JARID2: variants seen among roughly 807,000 people sequenced by gnomAD.
JARID2 encodes jumonji and AT-rich interaction domain containing 2, also known as protein Jumonji.
In JARID2, 21 loss-of-function variants were observed where a neutral mutation model predicts 125.6. That is an observed-to-expected ratio of 0.17 (90% confidence interval 0.12 to 0.24). JARID2 has a LOEUF of 0.24. Among genes scored for constraint, JARID2 ranks in the 10% least tolerant of loss-of-function variants. The pLI is 1.00. For missense variants in JARID2, 1,303 were observed against 1,639.6 expected, an observed-to-expected ratio of 0.79 and a Z score of 3.55; for synonymous variants, 736 against 661.6, an observed-to-expected ratio of 1.11 and a Z score of -1.73.
intron 2 of JARID2, among the ~76,000 whole-genome samples, chr6:15,381,341 C>CCAAAAAAA (rs70996539): frequency 1.4e-4 from 13 of 92,960 alleles, no homozygotes; most frequent in South Asian, 7.0e-4. Context: ...ACTCCTGTCT[C>CCAAAAAAA]AAAAAAAAAA....
In JARID2 at chr6:15,496,446, C is replaced by G. The variant is rs750294663; in HGVS notation, c.1221C>G (p.Leu407=). ...CCACTGGGCCCGCCGTCAATGGCCTCAAGGTCAGTGGCAGGTTGAACCCAA... is the reference window on the plus strand; with the variant it reads ...CCACTGGGCCCGCCGTCAATGGCCTGAAGGTCAGTGGCAGGTTGAACCCAA... ...SKSTGPAVNG[L]KVSGRLNPKS... Residue 407 remains leucine, a synonymous_variant, in exon 7 of 18, where the codon CTC becomes CTG. Transcript: ENST00000341776. 1.2e-6 allele frequency: 2 copies of G among 1,613,704 alleles called. No individual in the cohort carries two copies. Among genetic ancestry groups the G allele is most frequent in the Non-Finnish European group, 1.7e-6 (2 of 1,179,852 alleles).
intron 1 of JARID2, among the ~76,000 whole-genome samples, chr6:15,358,992 G>C (rs1409200116): frequency 1.3e-5 from 2 of 152,222 alleles, no homozygotes; most frequent in African/African-American, 4.8e-5. Flanking sequence ...CTGACCACTA[G>C]TATTCTAGGA....
At chr6:15,517,528 C>G (rs539058663) in intron 17 of JARID2, among the ~76,000 whole-genome samples, 16 of 152,206 alleles carry the variant, frequency 1.1e-4, no homozygotes, top group Non-Finnish European at 1.9e-4. Flanking sequence ...CAGCCGCCCC[C>G]CCGGCTTTCC....
intron 1 of JARID2, among the ~76,000 whole-genome samples, chr6:15,336,383 A>G (rs1043036945): frequency 2.6e-5 from 4 of 152,238 alleles, no homozygotes; most frequent in African/African-American, 7.2e-5. Flanking sequence ...GTGGCTTTTC[A>G]TGTTTTGGAA....
At chr6:15,422,200 C>T (rs967379173) in intron 3 of JARID2, among the ~76,000 whole-genome samples, 3 of 152,212 alleles carry the variant, frequency 2.0e-5, no homozygotes, top group African/African-American at 7.2e-5. Flanking sequence ...GCAAGTAGAT[C>T]TGTGATTACT....
intron 7 of JARID2, among the ~76,000 whole-genome samples, chr6:15,498,820 C>A (rs955253225): frequency 1.3e-5 from 2 of 152,204 alleles, no homozygotes; most frequent in Non-Finnish European, 2.9e-5. Flanking sequence ...CGCGTGCACC[C>A]ACGCCCGCTG....
Position 15,256,197 on chromosome 6 carries a change from G to A in JARID2, c.45+9613G>A, listed in dbSNP as rs924278384. On this transcript the variant is annotated intron_variant, in intron 1 of 17. Transcript: ENST00000341776. ...AGGCCTGCCGGCGGCCTTCCTAGCT[G>A]ACTCAGATATAAATGAATCAAATGA... Among the ~76,000 whole-genome samples the A allele has an allele frequency of 1.4e-4, 21 of 152,334 alleles. 1 individual carries two copies. Among genetic ancestry groups the A allele is most frequent in the African/African-American group, 4.8e-4 (20 of 41,580 alleles).
chr6:15,333,533 TCTC>T (rs1196644356), intron 1 of JARID2, among the ~76,000 whole-genome samples: 10 of 152,296 alleles, frequency 6.6e-5, no homozygotes, highest in East Asian at 1.9e-4. Flanking sequence ...TCATTTCTAA[TCTC>T]CTCCTTTTTC....
chr6:15,520,519 C>G lies in JARID2; in HGVS notation c.*268C>G, dbSNP rs114676237. On this transcript the variant is annotated 3_prime_UTR_variant, in exon 18 of 18. Transcript: ENST00000341776. ...GAGGGGCTGTATTAATTTGTATTGC[C>G]CCATGGCTGACAAAAGCCTTTTTTT... 9 of 406,380 alleles carry G rather than the reference C, an allele frequency of 2.2e-5. 1 individual carries two copies. The South Asian group carries it at 2.6e-4, about 12-fold the overall frequency. The allele number at this position is 406,380 out of a possible 1,614,324, so 25.2% of individuals were successfully genotyped here.
intron 1 of JARID2, among the ~76,000 whole-genome samples, chr6:15,372,110 G>C (rs1764193311): frequency 6.6e-6 from 1 of 152,212 alleles, no homozygotes; most frequent in Non-Finnish European, 1.5e-5. Context: ...TTTCTAAAAT[G>C]AAGTTTGTAT....
At chr6:15,321,931 T>C (rs1273580465) in intron 1 of JARID2, among the ~76,000 whole-genome samples, 1 of 151,798 alleles carries the variant, frequency 6.6e-6, no homozygotes, top group Non-Finnish European at 1.5e-5. Flanking sequence ...TAGCTGGGAT[T>C]ACACTGCCCA....
At chr6:15,294,933 T>G (rs1161995353) in intron 1 of JARID2, among the ~76,000 whole-genome samples, 4 of 152,042 alleles carry the variant, frequency 2.6e-5, no homozygotes, top group Non-Finnish European at 5.9e-5. Context: ...TGAATTGAGA[T>G]AACTTTTTCT....
intron 1 of JARID2, among the ~76,000 whole-genome samples, chr6:15,292,985 T>C (rs1314634433): frequency 1.6e-4 from 25 of 152,204 alleles, no homozygotes; most frequent in Admixed American, 1.6e-3. Flanking sequence ...GTTGTAATAT[T>C]TTTTTAGTTT....
At chr6:15,450,154 C>G (rs1369837342) in intron 3 of JARID2, among the ~76,000 whole-genome samples, 1 of 152,006 alleles carries the variant, frequency 6.6e-6, no homozygotes, top group Admixed American at 6.6e-5. Flanking sequence ...CTCTCTTTTA[C>G]TTACTTAGTT....
intron 2 of JARID2, among the ~76,000 whole-genome samples, chr6:15,394,258 T>G (rs1765132929): frequency 1.3e-5 from 2 of 152,272 alleles, no homozygotes; most frequent in South Asian, 4.1e-4. Context: ...AGCCCTGGAT[T>G]GGCCTTGAGA....
intron 3 of JARID2, among the ~76,000 whole-genome samples, chr6:15,416,215 G>T (rs2127579628): frequency 6.6e-6 from 1 of 152,036 alleles, no homozygotes; most frequent in Non-Finnish European, 1.5e-5. Flanking sequence ...TGGGTAGCCA[G>T]GCCGAGGGGC....
chr6:15,385,211 CTG>C (rs1764738839), intron 2 of JARID2, among the ~76,000 whole-genome samples: 1 of 152,176 alleles, frequency 6.6e-6, no homozygotes, highest in Admixed American at 6.5e-5. Context: ...AAAGCATACT[CTG>C]TTTAGCTCTA....
chr6:15,284,304 G>C (rs914169807), intron 1 of JARID2, among the ~76,000 whole-genome samples: 1 of 152,030 alleles, frequency 6.6e-6, no homozygotes, highest in African/African-American at 2.4e-5. Flanking sequence ...ATGTCTTAGG[G>C]TTTATTCCTG....
intron 2 of JARID2, chr6:15,400,811 A>C (rs1419355124): frequency 8.0e-7 from 1 of 1,251,212 alleles, no homozygotes. Flanking sequence ...TGCCGCGCGG[A>C]ATCTGCACTG....
Sources: allele counts gnomAD v4.1 joint callset (sites outside exome capture counted in the v4.1 genomes callset), GRCh38; gene constraint gnomAD v4.1.1; transcripts MANE v1.5; gene names NCBI Gene and HGNC (gene_info 2026-07-23, HGNC 2026-07-21).